PRKG1: variants seen among roughly 807,000 people sequenced by gnomAD.
PRKG1 encodes protein kinase cGMP-dependent 1, also known as cGMP-dependent protein kinase 1.
Under a neutral mutation model 88.1 loss-of-function variants are expected in PRKG1, and 35 were observed. That is an observed-to-expected ratio of 0.40 (90% CI 0.30 to 0.53). The LOEUF (loss-of-function observed/expected upper bound fraction) is 0.53. Among genes scored for constraint, PRKG1 ranks in the 20% least tolerant of loss-of-function variants. The probability of loss-of-function intolerance (pLI) is 0.59; values close to 1 mark genes in which losing one functional copy is unlikely to be tolerated. For missense variants in PRKG1, 540 were observed against 839.8 expected, an observed-to-expected ratio of 0.64 and a Z score of 4.41; for synonymous variants, 303 against 292.5, an observed-to-expected ratio of 1.04 and a Z score of -0.37.
chr10:51,577,595 C>G (rs1312561003), intron 3 of PRKG1, among the ~76,000 whole-genome samples: 1 of 151,978 alleles, frequency 6.6e-6, no homozygotes, highest in Non-Finnish European at 1.5e-5. Flanking sequence ...ATTACTATCA[C>G]TTTTACCACT....
intron 5 of PRKG1, among the ~76,000 whole-genome samples, chr10:51,995,802 G>A (rs150182892): frequency 0.016 from 2,405 of 152,228 alleles, 28 homozygotes; most frequent in Non-Finnish European, 0.025. Flanking sequence ...CTGATATGAA[G>A]CTTAATTGAG....
intron 2 of PRKG1, among the ~76,000 whole-genome samples, chr10:51,393,903 A>G: frequency 6.6e-6 from 1 of 152,222 alleles, no homozygotes; most frequent in African/African-American, 2.4e-5. Flanking sequence ...AAAAAGCATT[A>G]CGTTTTAAAT....
intron 2 of PRKG1, among the ~76,000 whole-genome samples, chr10:51,432,089 A>G (rs936237033): frequency 9.2e-5 from 14 of 152,172 alleles, no homozygotes; most frequent in Non-Finnish European, 5.9e-5. Context: ...ATCCTTGAAT[A>G]TGATAGTCAG....
chr10:51,917,222 G>A (rs1182239056), intron 5 of PRKG1, among the ~76,000 whole-genome samples: 1 of 151,822 alleles, frequency 6.6e-6, no homozygotes, highest in East Asian at 1.9e-4. Flanking sequence ...AGGAGGCTGA[G>A]GGAAGAGAAT....
At chr10:51,459,924 T>G (rs1028310110) in intron 2 of PRKG1, among the ~76,000 whole-genome samples, 6 of 152,178 alleles carry the variant, frequency 3.9e-5, no homozygotes, top group African/African-American at 1.2e-4. Context: ...AGGTTGTAAT[T>G]TACATTTGGT....
At chr10:51,943,570 G>T (rs1564719985) in intron 5 of PRKG1, among the ~76,000 whole-genome samples, 1 of 152,020 alleles carries the variant, frequency 6.6e-6, no homozygotes, top group Non-Finnish European at 1.5e-5. Flanking sequence ...TGCCCATTCA[G>T]TATGATATTG....
intron 3 of PRKG1, among the ~76,000 whole-genome samples, chr10:51,537,687 C>T (rs538398935): frequency 7.5e-5 from 11 of 146,428 alleles, no homozygotes; most frequent in East Asian, 4.1e-4. Flanking sequence ...AAGATTGCAC[C>T]GCTGTACTCT....
At chr10:51,365,053 T>C (rs1472806559) in intron 2 of PRKG1, among the ~76,000 whole-genome samples, 1 of 151,974 alleles carries the variant, frequency 6.6e-6, no homozygotes, top group Non-Finnish European at 1.5e-5. Flanking sequence ...TGGACAGTGA[T>C]GAATTTAAGT....
Position 51,499,333 on chromosome 10 carries a change from G to T in PRKG1, c.592+31497G>T, listed in dbSNP as rs548324276. Among the ~76,000 whole-genome samples the T allele has an allele frequency of 3.9e-5, 6 of 152,268 alleles. No homozygotes were observed. In the East Asian group the frequency reaches 9.7e-4, roughly 25 times the overall value. On this transcript the variant is annotated intron_variant, in intron 3 of 17. Coordinates refer to ENST00000373980, the MANE Select transcript of PRKG1 (RefSeq NM_006258.4). ...AGGATGTGTCAGGATTAACTAGAAG[G>T]CACTCTCAAAGCCTTCCAGTAAAAT...
intron 1 of PRKG1, among the ~76,000 whole-genome samples, chr10:51,092,527 T>G (rs570434888): frequency 6.6e-6 from 1 of 152,310 alleles, no homozygotes; most frequent in South Asian, 2.1e-4. Flanking sequence ...GATCCTGGCT[T>G]GCTAACTGGC....
chr10:51,026,102 G>C (rs1253021594), intron 1 of PRKG1, among the ~76,000 whole-genome samples: 2 of 152,100 alleles, frequency 1.3e-5, no homozygotes. Flanking sequence ...ACCAAAGATT[G>C]ACAGCAAACC....
chr10:51,660,603 C>A (rs1409042796), intron 3 of PRKG1, among the ~76,000 whole-genome samples: 1 of 152,092 alleles, frequency 6.6e-6, no homozygotes, highest in Non-Finnish European at 1.5e-5. Flanking sequence ...ACCTCAGTAA[C>A]CCAGTTCAAA....
intron 2 of PRKG1, among the ~76,000 whole-genome samples, chr10:51,185,232 G>A (rs1009108926): frequency 6.6e-6 from 1 of 152,088 alleles, no homozygotes; most frequent in Admixed American, 6.6e-5. Flanking sequence ...TCAATGGGAT[G>A]TTGTGAGAAT....
At chr10:51,315,569 G>A (rs896790247) in intron 2 of PRKG1, among the ~76,000 whole-genome samples, 5 of 152,114 alleles carry the variant, frequency 3.3e-5, no homozygotes, top group African/African-American at 4.8e-5. Flanking sequence ...GAATTTGGCC[G>A]AGGCACTGAC....
rs73337541 is a variant in PRKG1, at chr10:51,225,898, T to C, written c.478+72568T>C. 6.7e-3 allele frequency among the ~76,000 whole-genome samples: 1,027 copies of C among 152,276 alleles called. 18 individuals carry two copies. Among genetic ancestry groups the C allele is most frequent in the African/African-American group, 0.024 (980 of 41,544 alleles). The stretch of plus-strand genomic sequence containing the variant: ...AATAATGTAGATCCCCTCATCTTTA[T>C]TTAAGTAATCAAAATTGATTCTGTG... On this transcript the variant is annotated intron_variant, in intron 2 of 17. Transcript: ENST00000373980.
chr10:52,279,796 G>GGC (rs1430679870), intron 12 of PRKG1, among the ~76,000 whole-genome samples: 1 of 151,632 alleles, frequency 6.6e-6, no homozygotes, highest in Non-Finnish European at 1.5e-5. Flanking sequence ...AACCACCTCA[G>GGC]GCGCTGATGT....
chr10:51,158,633 A>T (rs1463871836), intron 2 of PRKG1, among the ~76,000 whole-genome samples: 1 of 151,926 alleles, frequency 6.6e-6, no homozygotes, highest in East Asian at 1.9e-4. Context: ...TCTGGCATCC[A>T]TTCCTCTTCT....
chr10:51,265,039 A>G (rs1035401697), intron 2 of PRKG1, among the ~76,000 whole-genome samples: 1 of 152,164 alleles, frequency 6.6e-6, no homozygotes, highest in African/African-American at 2.4e-5. Context: ...CACAGGTTTC[A>G]GATAATGAGG....
chr10:51,158,938 A>ACT (rs149538987), intron 2 of PRKG1, among the ~76,000 whole-genome samples: 10,212 of 151,970 alleles, frequency 0.067, 707 homozygotes, highest in African/African-American at 0.17. Context: ...AAAAGACTAG[A>ACT]CTCATTTCTG....
Sources: gnomAD v4.1 joint callset for allele counts (sites outside exome capture counted in the v4.1 genomes callset) on GRCh38, gnomAD v4.1.1 for gene constraint, MANE v1.5 for transcripts, NCBI Gene and HGNC (gene_info 2026-07-23, HGNC 2026-07-21) for gene names.